MCF2: variants seen among roughly 807,000 people sequenced by gnomAD.
The protein encoded by MCF2 is proto-oncogene DBL.
MCF2 carries 44 observed loss-of-function variants against 82.5 expected under a neutral mutation model. The ratio of observed to expected loss-of-function variants is 0.53; its 90% CI spans 0.42 to 0.69. The LOEUF is 0.69. Among genes scored for constraint, MCF2 ranks in the 30% least tolerant of loss-of-function variants. The pLI is 0.00. For missense variants in MCF2, 623 were observed against 663.1 expected (o/e 0.94, Z 0.66); for synonymous variants, 217 against 224.9 (o/e 0.96, Z 0.32).
chrX:139,651,571 G>C, intron 2 of MCF2, 149 bp downstream of exon 2: 1 of 370,576 alleles, frequency 2.7e-6, no homozygotes. Context: ...GGTGCACAAT[G>C]TACAAATGTT....
At chrX:139,629,910 G>A (rs1364666667) in intron 3 of MCF2, 66 bp from the exon 7 acceptor site, 7 of 960,343 alleles carry the variant, frequency 7.3e-6, no homozygotes, top group Non-Finnish European at 1.0e-5. Flanking sequence ...AACTGGATCA[G>A]TAAGTGTATT....
At chrX:139,693,855 T>A (rs1935328091) in intron 1 of MCF2, among the ~76,000 whole-genome samples, 1 of 111,863 alleles carries the variant, frequency 8.9e-6, no homozygotes. Flanking sequence ...TGGGAAAGAG[T>A]TTCCATAGCA....
At chrX:139,658,439 T>C (rs1934257511) in intron 1 of MCF2, among the ~76,000 whole-genome samples, 1 of 110,845 alleles carries the variant, frequency 9.0e-6, no homozygotes, top group African/African-American at 3.3e-5. Context: ...AGAAAGATTA[T>C]AGAAAATCTA....
At chrX:139,598,030 G>A (rs1200464204) in intron 17 of MCF2, among the ~76,000 whole-genome samples, 1 of 111,642 alleles carries the variant, frequency 9.0e-6, no homozygotes, top group East Asian at 2.8e-4. Context: ...TTATACTAGG[G>A]GAGTGCCATT....
intron 1 of MCF2, among the ~76,000 whole-genome samples, chrX:139,685,333 C>A (rs930535172): frequency 9.9e-5 from 11 of 110,921 alleles, no homozygotes; most frequent in African/African-American, 3.6e-4. Context: ...AAGAAATCCA[C>A]AAGCAGACAG....
At chrX:139,647,020 G>A (rs1933825319), upstream of MCF2, 1 of 464,293 alleles carries the variant, frequency 2.2e-6, no homozygotes, top group African/African-American at 2.6e-5. Flanking sequence ...CAAAGATGAT[G>A]ATCTCCACAT....
Position 139,671,456 on chromosome X carries a change from T to G in MCF2, c.-44-19668A>C, listed in dbSNP as rs1170356820. Among the ~76,000 whole-genome samples, 5 of 111,836 alleles carry G rather than the reference T, an allele frequency of 4.5e-5. No homozygotes were observed. In the South Asian group the frequency reaches 1.5e-3, roughly 34 times the overall value. Reference sequence around the variant, plus strand: ...GTTTTTATGGTTTTAGGTCTAACATTTAAGTCTTTAATCCATCTTGAATTA... The same window carrying G: ...GTTTTTATGGTTTTAGGTCTAACATGTAAGTCTTTAATCCATCTTGAATTA... On this transcript the variant is annotated intron_variant, in intron 1 of 27. Transcript: ENST00000414978.
intron 6 of MCF2, 21 bp from the exon 10 acceptor site, chrX:139,619,727 G>A: frequency 3.7e-6 from 4 of 1,088,353 alleles, no homozygotes; most frequent in Non-Finnish European, 2.4e-6. Flanking sequence ...GAAACAAAGA[G>A]GTTTTAAAAA....
intron 17 of MCF2, 44 bp downstream of exon 21, chrX:139,598,362 T>C (rs1793652576): frequency 1.1e-6 from 1 of 880,487 alleles, no homozygotes; most frequent in South Asian, 2.1e-5. Context: ...CTGTCATATC[T>C]GACTCAAAAA....
chrX:139,653,957 C>T (rs970912257), intron 1 of MCF2, among the ~76,000 whole-genome samples: 8 of 110,902 alleles, frequency 7.2e-5, no homozygotes, highest in Admixed American at 9.7e-5. Context: ...ATTCATTTGG[C>T]TGCAAATAAG....
chrX:139,625,995 G>A (rs10521800), intron 6 of MCF2, among the ~76,000 whole-genome samples, 198 bp downstream of exon 9: 9,397 of 111,258 alleles, frequency 0.084, 462 homozygotes, highest in African/African-American at 0.18. Context: ...CAAAGGAAAC[G>A]AGTAAGCTGA....
At chrX:139,598,197 C>T (rs1930259989) in intron 17 of MCF2, among the ~76,000 whole-genome samples, 1 of 111,911 alleles carries the variant, frequency 8.9e-6, no homozygotes, top group Admixed American at 9.5e-5. Context: ...AGCTAAGATC[C>T]CAGATATTCT....
chrX:139,662,861 A>T (rs950135759), intron 1 of MCF2, among the ~76,000 whole-genome samples: 1 of 111,169 alleles, frequency 9.0e-6, no homozygotes, highest in Admixed American at 9.5e-5. Context: ...CATGTGATGA[A>T]TTTTTTAGCT....
chrX:139,616,469 C>T lies in MCF2; in HGVS notation c.1004G>A (p.Arg335His), dbSNP rs200810024. ...ACATTCCCCTTCATCACAGCATTGA[C>T]GAGCCTGGTAAGAAAATCAAGAAGA... The change falls in exon 9 of 25, where the codon CGT becomes CAT. Residue 335 changes from arginine to histidine, a missense_variant. Physicochemically the swap from Arg to His is conservative, Grantham distance 29 (BLOSUM62 0). Coordinates refer to ENST00000370576, the Ensembl canonical transcript of MCF2. 278 of 1,045,128 alleles carry T rather than the reference C, an allele frequency of 2.7e-4. No homozygotes were observed. Among genetic ancestry groups the T allele is most frequent in the South Asian group, 3.8e-4 (13 of 34,226 alleles). 86.1% of individuals were successfully genotyped at this position (1,045,128 alleles called of 1,213,427 possible). A position where few individuals can be genotyped will look rare whatever the true frequency, so the allele number is the denominator to read the frequency against.
chrX:139,686,522 G>A (rs770453836), intron 1 of MCF2, among the ~76,000 whole-genome samples: 41 of 107,721 alleles, frequency 3.8e-4, no homozygotes, highest in Non-Finnish European at 5.2e-4. Context: ...ACTCTATCTC[G>A]GAAAAAAAAA....
chrX:139,690,701 T>C (rs1187179681), intron 1 of MCF2, among the ~76,000 whole-genome samples: 1 of 111,582 alleles, frequency 9.0e-6, no homozygotes, highest in East Asian at 2.8e-4. Flanking sequence ...TAGGGAGGTA[T>C]ATTTGGAACA....
chrX:139,618,155 T>C (rs1932069512), intron 7 of MCF2, among the ~76,000 whole-genome samples: 1 of 110,873 alleles, frequency 9.0e-6, no homozygotes, highest in Non-Finnish European at 1.9e-5. Flanking sequence ...AGTCACAGGG[T>C]TTCTATGTCA....
At chrX:139,651,400 T>C (rs1004474467) in intron 2 of MCF2, among the ~76,000 whole-genome samples, 1 of 111,320 alleles carries the variant, frequency 9.0e-6, no homozygotes, top group Non-Finnish European at 1.9e-5. Context: ...CCACCCAGCC[T>C]GCAACCACCT....
At chrX:139,672,966 GCTA>G (rs1261592357) in intron 1 of MCF2, among the ~76,000 whole-genome samples, 1 of 111,490 alleles carries the variant, frequency 9.0e-6, no homozygotes, top group Non-Finnish European at 1.9e-5. Flanking sequence ...TTGTTCGTAG[GCTA>G]CTAATTATTG....
Sources: allele counts gnomAD v4.1 joint callset (sites outside exome capture counted in the v4.1 genomes callset), GRCh38; gene constraint gnomAD v4.1.1; transcripts MANE v1.5; gene names NCBI Gene and HGNC (gene_info 2026-07-23, HGNC 2026-07-21).